The following TFAP2C variants were observed in gnomAD, a reference collection of about 807,000 sequenced individuals.
TFAP2C encodes the protein transcription factor AP-2 gamma.
Under a neutral mutation model 42.9 loss-of-function variants are expected in TFAP2C, and 9 were observed. The ratio of observed to expected loss-of-function variants is 0.21; its 90% CI spans 0.13 to 0.37. The LOEUF is 0.37. Among genes scored for constraint, TFAP2C ranks in the 10% least tolerant of loss-of-function variants. TFAP2C has a pLI of 1.00. For synonymous variants in TFAP2C, 264 were observed against 256.0 expected, an observed-to-expected ratio of 1.03 and a Z score of -0.30; for missense variants, 462 against 591.7, an observed-to-expected ratio of 0.78 and a Z score of 2.27.
chr20:56,636,249 G>A (rs1987580591), intron 5 of TFAP2C, among the ~76,000 whole-genome samples: 1 of 152,192 alleles, frequency 6.6e-6, no homozygotes, highest in Non-Finnish European at 1.5e-5. Context: ...CTACTAGAAA[G>A]AGAGAAAATG....
At position 56,639,193 on chromosome 20, in the gene TFAP2C, G is replaced by C. The variant is rs1040968451; in HGVS notation, c.*1180G>C. 6.6e-6 allele frequency: 1 copy of C among 152,464 alleles called. No homozygotes were observed. The highest frequency in any genetic ancestry group is 2.1e-4 in the South Asian group (1 of 4,820). 9.4% of individuals were successfully genotyped at this position (152,464 alleles called of 1,614,324 possible). A position where few individuals can be genotyped will look rare whatever the true frequency, so the allele number is the denominator to read the frequency against. The stretch of plus-strand genomic sequence containing the variant: ...GTGTGTGTGGGTGAAATGGAGATTT[G>C]GAATTGAACTCTCTGCCTGTAAATG... On this transcript the variant is annotated 3_prime_UTR_variant, in exon 7 of 7. Transcript: ENST00000201031.
Position 56,631,445 on chromosome 20 carries a change from G to A in TFAP2C, c.289G>A (p.Gly97Ser). The A allele has an allele frequency of 1.3e-6, 2 of 1,579,672 alleles. No homozygotes were observed. Among genetic ancestry groups the A allele is most frequent in the East Asian group, 2.4e-5 (1 of 42,036 alleles). Residue 97 changes from glycine to serine, a missense_variant, in exon 2 of 7, where the codon GGC becomes AGC. Gly to Ser is a moderately conservative substitution (Grantham distance 56, BLOSUM62 0). This residue lies in a region of TFAP2C where 271 missense variants were observed against 269.7 expected (regional missense o/e 1.00). Transcript: ENST00000201031. The surrounding 1 kb of genome is among the most constrained non-coding windows in gnomAD (Gnocchi z 6.1). ...INPLHQPAPT[G>S]SQQQAWPGRQ... is the part of the protein sequence containing the mutation. Reference sequence around the variant, plus strand: ...CCCCCTGCACCAGCCGGCGCCCACAGGCAGCCAGCAGCAGGCCTGGCCCGG... The same window carrying A: ...CCCCCTGCACCAGCCGGCGCCCACAAGCAGCCAGCAGCAGGCCTGGCCCGG...
In TFAP2C at chr20:56,629,312, C is replaced by T. The variant is rs918952456; in HGVS notation, c.-233C>T. 2.3e-5 allele frequency: 9 copies of T among 394,870 alleles called. No individual in the cohort carries two copies. In the Admixed American group the frequency reaches 2.7e-4, roughly 12 times the overall value. The allele number at this position is 394,870 out of a possible 1,614,324, so 24.5% of individuals were successfully genotyped here. On this transcript the variant is annotated 5_prime_UTR_variant, in exon 1 of 7. Coordinates refer to ENST00000201031, the MANE Select transcript of TFAP2C (RefSeq NM_003222.4). This position sits in a 1 kb window ranked among gnomAD's most constrained non-coding sequence, Gnocchi z 5.9. Reference sequence around the variant, plus strand: ...GGGTCCCCCGGCTATCGCCAGGACACACTGTTCGGGCGCGGCTTTCCCCGT... The same window carrying T: ...GGGTCCCCCGGCTATCGCCAGGACATACTGTTCGGGCGCGGCTTTCCCCGT...
At chr20:56,635,099 C>T (rs1274622376) in intron 5 of TFAP2C, among the ~76,000 whole-genome samples, 2 of 152,184 alleles carry the variant, frequency 1.3e-5, no homozygotes, top group East Asian at 3.8e-4. Flanking sequence ...TCTTTCCTTG[C>T]TCTGATGGCG....
Position 56,631,163 on chromosome 20 carries a change from T to G in TFAP2C, c.49-42T>G. 3 of 1,470,914 alleles carry G rather than the reference T, an allele frequency of 2.0e-6. No individual in the cohort carries two copies. The highest frequency in any genetic ancestry group is 1.8e-6 in the Non-Finnish European group (2 of 1,114,116). 91.1% of individuals were successfully genotyped at this position (1,470,914 alleles called of 1,614,324 possible). A position where few individuals can be genotyped will look rare whatever the true frequency, so the allele number is the denominator to read the frequency against. On this transcript the variant is annotated intron_variant, in intron 1 of 6. Coordinates refer to ENST00000201031, the MANE Select transcript of TFAP2C (RefSeq NM_003222.4). This position sits in a 1 kb window ranked among gnomAD's most constrained non-coding sequence, Gnocchi z 6.1. ...TGCCGGCCAGTTCGCAGTAGCGGGG[T>G]TTCGCACTAACGGGGTCTCCTGTTT...
Position 56,633,426 on chromosome 20 carries a change from C to T in TFAP2C, c.660C>T (p.Pro220=). ...AGCTGGTGGGGGCCGTAATGAACCC[C>T]ACTGAGGTCTTCTGCTCAGTCCCTG... ...QKELVGAVMN[P]TEVFCSVPGR... Residue 220 remains proline (P), a synonymous_variant, in exon 4 of 7, where the codon CCC becomes CCT. Transcript: ENST00000201031. 1 of 1,614,148 alleles carries T rather than the reference C, an allele frequency of 6.2e-7. No homozygotes were observed. Among genetic ancestry groups the T allele is most frequent in the South Asian group, 1.1e-5 (1 of 91,072 alleles).
chr20:56,634,960 CA>C, intron 5 of TFAP2C, among the ~76,000 whole-genome samples: 1 of 152,264 alleles, frequency 6.6e-6, no homozygotes, highest in South Asian at 2.1e-4. Flanking sequence ...TTTTTAAAAA[CA>C]AAACAAAGCA....
chr20:56,636,501 G>C (rs1987585578), intron 5 of TFAP2C, 109 bp from the exon 6 acceptor site: 13 of 1,257,962 alleles, frequency 1.0e-5, no homozygotes, highest in Non-Finnish European at 1.3e-5. Context: ...ACTCCAGCCT[G>C]GGCAACAGAG....
intron 5 of TFAP2C, 130 bp from the exon 6 acceptor site, chr20:56,636,480 C>A: frequency 1.0e-6 from 1 of 964,088 alleles, no homozygotes; most frequent in Non-Finnish European, 1.5e-6. Context: ...GAGCAGAGAT[C>A]GGGCCACTGC....
chr20:56,637,058 C>T (rs1987595760), intron 6 of TFAP2C, among the ~76,000 whole-genome samples: 1 of 152,076 alleles, frequency 6.6e-6, no homozygotes, highest in African/African-American at 2.4e-5. Flanking sequence ...TGTTGAAAAC[C>T]CGATTTGTTT....
Position 56,636,768 on chromosome 20 carries a change from C to T in TFAP2C, c.1067+14C>T. 5.6e-6 allele frequency: 9 copies of T among 1,609,066 alleles called. No individual in the cohort carries two copies. The highest frequency in any genetic ancestry group is 7.6e-6 in the Non-Finnish European group (9 of 1,177,616). On this transcript the variant is annotated intron_variant, in intron 6 of 6. Transcript: ENST00000201031. ...ATTGGCGGCCCAGTAAGTATCTGAACTTGAATTTGATGATGACTCAATGCT... is the reference window on the plus strand; with the variant it reads ...ATTGGCGGCCCAGTAAGTATCTGAATTTGAATTTGATGATGACTCAATGCT...
Position 56,639,209 on chromosome 20 carries a change from C to T in TFAP2C, c.*1196C>T, listed in dbSNP as rs1484765104. 3 of 152,472 alleles carry T rather than the reference C, an allele frequency of 2.0e-5. No individual in the cohort carries two copies. The highest frequency in any genetic ancestry group is 2.9e-5 in the Non-Finnish European group (2 of 68,048). The allele number at this position is 152,472 out of a possible 1,614,324, so 9.4% of individuals were successfully genotyped here. On this transcript the variant is annotated 3_prime_UTR_variant, in exon 7 of 7. Transcript: ENST00000201031. ...TGGAGATTTGGAATTGAACTCTCTG[C>T]CTGTAAATGTTCCCCAAATAATTGT... is the stretch of plus-strand genomic sequence containing the variant.
rs1987620369 is a variant in TFAP2C at position 56,638,075 on chromosome 20, A to G, written c.*62A>G. ...AACAGGACTGCAAAAATCCTTCTCC[A>G]CCGCACAGACTGGGAACCCCTCCTG... is the stretch of plus-strand genomic sequence containing the variant. On this transcript the variant is annotated 3_prime_UTR_variant, in exon 7 of 7. Coordinates refer to ENST00000201031, the MANE Select transcript of TFAP2C (RefSeq NM_003222.4). 1.5e-5 allele frequency: 22 copies of G among 1,475,590 alleles called. No homozygotes were observed. Among genetic ancestry groups the G allele is most frequent in the Admixed American group, 2.1e-5 (1 of 48,738 alleles). 91.4% of individuals were successfully genotyped at this position (1,475,590 alleles called of 1,614,324 possible).
chr20:56,630,899 C>T lies in TFAP2C; in HGVS notation c.49-306C>T. ...CCACGGACTTTTCTGGCCCAAGACCCAGGGTTCGGACTTGGCGCCTCCAAG... is the reference window on the plus strand; with the variant it reads ...CCACGGACTTTTCTGGCCCAAGACCTAGGGTTCGGACTTGGCGCCTCCAAG... On this transcript the variant is annotated intron_variant, in intron 1 of 6. Transcript: ENST00000201031. The surrounding 1 kb of genome is among the most constrained non-coding windows in gnomAD (Gnocchi z 5.1). The T allele has an allele frequency of 1.0e-6, 1 of 985,438 alleles. No homozygotes were observed. The highest frequency in any genetic ancestry group is 1.7e-5 in the African/African-American group (1 of 57,368). 61.0% of individuals were successfully genotyped at this position (985,438 alleles called of 1,614,324 possible). A position where few individuals can be genotyped will look rare whatever the true frequency, so the allele number is the denominator to read the frequency against.
chr20:56,633,013 C>G (rs779937026), intron 3 of TFAP2C, among the ~76,000 whole-genome samples: 6 of 152,072 alleles, frequency 3.9e-5, no homozygotes, highest in Non-Finnish European at 7.4e-5. Flanking sequence ...CACTTGAGGT[C>G]AGGAGTTTGA....
intron 6 of TFAP2C, among the ~76,000 whole-genome samples, chr20:56,637,356 A>T (rs1479605937): frequency 6.6e-6 from 1 of 152,156 alleles, no homozygotes. Context: ...CCGGTTCCTC[A>T]CGGAATTTGT....
chr20:56,637,836 T>C lies in TFAP2C; in HGVS notation c.1176T>C (p.His392=). ...CGAACATACAGAACTGCTTGTCTCA[T>C]TTCAGCCTGATTACCCACGGGTTTG... ...LETNIQNCLS[H]FSLITHGFGS... is the part of the protein sequence containing the mutation. Residue 392 remains histidine, a synonymous_variant, in exon 7 of 7, where the codon CAT becomes CAC. Coordinates refer to ENST00000201031, the MANE Select transcript of TFAP2C (RefSeq NM_003222.4). The C allele has an allele frequency of 6.2e-7, 1 of 1,611,012 alleles. No individual in the cohort carries two copies. The highest frequency in any genetic ancestry group is 8.5e-7 in the Non-Finnish European group (1 of 1,177,166).
At position 56,630,852 on chromosome 20, in the gene TFAP2C, G is replaced by T. The variant is rs1263089815; in HGVS notation, c.49-353G>T. 8.1e-6 allele frequency: 8 copies of T among 985,356 alleles called. No individual in the cohort carries two copies. In the South Asian group the frequency reaches 3.3e-4, roughly 41 times the overall value. 61.0% of individuals were successfully genotyped at this position (985,356 alleles called of 1,614,324 possible). On this transcript the variant is annotated intron_variant, in intron 1 of 6. Transcript: ENST00000201031. The surrounding 1 kb of genome is among the most constrained non-coding windows in gnomAD (Gnocchi z 5.1). ...TCCGGCTCCTTCGCCCCGGGCTCTG[G>T]CTCCTTCGCCCCGGGCTCCGGCCAC...
chr20:56,634,041 G>T (rs1600898406), intron 4 of TFAP2C, 109 bp from the exon 5 acceptor site: 1 of 739,198 alleles, frequency 1.4e-6, no homozygotes, highest in East Asian at 2.5e-5. Context: ...AGTCTTTGAT[G>T]GGTTTCAGCT....
Sources: gnomAD v4.1 joint callset for allele counts (sites outside exome capture counted in the v4.1 genomes callset) on GRCh38, gnomAD v4.1.1 for gene constraint, gnomAD v4.1.1 regional missense constraint, Gnocchi (gnomAD v3.1) non-coding constraint, MANE v1.5 for transcripts, NCBI Gene and HGNC (gene_info 2026-07-23, HGNC 2026-07-21) for gene names.